Variants in C4orf33 observed in about 807,000 individuals in gnomAD.
C4orf33 encodes the protein UPF0462 protein C4orf33.
A neutral mutation model predicts 24.3 loss-of-function variants in C4orf33; 20 were observed. The observed-to-expected ratio is 0.82, with a 90% CI of 0.58 to 1.19. The LOEUF (loss-of-function observed/expected upper bound fraction) is 1.19. Among genes scored for constraint, C4orf33 ranks in the 50% most tolerant of loss-of-function variants. The pLI is 0.00. For missense variants in C4orf33, 207 were observed against 225.9 expected (o/e 0.92, Z 0.54); for synonymous variants, 67 against 76.4 (o/e 0.88, Z 0.64).
rs1206753605 is a variant in C4orf33 at position 129,113,736 on chromosome 4, A to AC, written c.*1946dup. 6.6e-6 allele frequency: 1 copy of AC among 151,024 alleles called. No homozygotes were observed. The highest frequency in any genetic ancestry group is 2.4e-5 in the African/African-American group (1 of 41,170). 9.4% of individuals were successfully genotyped at this position (151,024 alleles called of 1,614,324 possible). ...TGCTTTTTATTTTTGGCTCCAAACT[A>AC]CTTTTTTTAAACGTTAAAAAGGTTT... is the stretch of plus-strand genomic sequence containing the variant. On this transcript the variant is annotated 3_prime_UTR_variant, in exon 6 of 6. Coordinates refer to ENST00000425929, the MANE Select transcript of C4orf33 (RefSeq NM_001099783.2).
At chr4:129,102,916 G>A in intron 2 of C4orf33, 125 bp downstream of exon 2, 1 of 711,742 alleles carries the variant, frequency 1.4e-6, no homozygotes, top group Non-Finnish European at 2.2e-6. Context: ...TACAGTTTCT[G>A]ATATTTCCTA....
At chr4:129,096,644 GCAATCAGAA>G (rs985700433) in intron 1 of C4orf33, among the ~76,000 whole-genome samples, 2 of 152,112 alleles carry the variant, frequency 1.3e-5, no homozygotes, top group Non-Finnish European at 2.9e-5. Context: ...TAAAGATAAA[GCAATCAGAA>G]CAATTGAAAA....
intron 1 of C4orf33, among the ~76,000 whole-genome samples, chr4:129,101,201 G>A (rs1757930): frequency 0.73 from 109,952 of 151,554 alleles, 41,662 homozygotes; most frequent in South Asian, 0.89. Context: ...ACGTTTTAGA[G>A]AAAGGTTTTT....
At chr4:129,099,051 C>A (rs2125798794) in intron 1 of C4orf33, among the ~76,000 whole-genome samples, 1 of 152,300 alleles carries the variant, frequency 6.6e-6, no homozygotes, top group African/African-American at 2.4e-5. Flanking sequence ...CCTTGGTGCT[C>A]AGAAAACAAG....
At chr4:129,100,905 A>G (rs1006058220) in intron 1 of C4orf33, among the ~76,000 whole-genome samples, 2 of 152,224 alleles carry the variant, frequency 1.3e-5, no homozygotes, top group African/African-American at 4.8e-5. Context: ...AATTTAGGAT[A>G]GAGGATTACA....
chr4:129,107,303 G>A (rs1753547906), intron 3 of C4orf33, among the ~76,000 whole-genome samples: 2 of 151,760 alleles, frequency 1.3e-5, no homozygotes, highest in Non-Finnish European at 3.0e-5. Context: ...CTGTTTACCT[G>A]GTTGGCAAAC....
chr4:129,111,643 C>T (rs1025329651), intron 5 of C4orf33, 43 bp from the exon 6 acceptor site: 1 of 1,170,800 alleles, frequency 8.5e-7, no homozygotes, highest in Non-Finnish European at 1.3e-6. Context: ...TTCACAAATG[C>T]ATAATTCATT....
rs1185046426 is a variant in C4orf33 at position 129,115,035 on chromosome 4, G to A, written c.*3244G>A. 3.3e-5 allele frequency: 5 copies of A among 152,226 alleles called. No homozygotes were observed. The highest frequency in any genetic ancestry group is 4.8e-5 in the African/African-American group (2 of 41,454). 9.4% of individuals were successfully genotyped at this position (152,226 alleles called of 1,614,324 possible). A position where few individuals can be genotyped will look rare whatever the true frequency, so the allele number is the denominator to read the frequency against. On this transcript the variant is annotated 3_prime_UTR_variant, in exon 6 of 6. Coordinates refer to ENST00000425929, the MANE Select transcript of C4orf33 (RefSeq NM_001099783.2). The stretch of plus-strand genomic sequence containing the variant: ...TCAAACCACTTGAAACTACTGAAGA[G>A]TTTGGCCAAATGTGAGAGAAATACA...
At chr4:129,099,571 G>A (rs1005975700) in intron 1 of C4orf33, among the ~76,000 whole-genome samples, 1 of 152,134 alleles carries the variant, frequency 6.6e-6, no homozygotes, top group African/African-American at 2.4e-5. Flanking sequence ...CTGGGTTCAG[G>A]GAGTCAATAA....
intron 1 of C4orf33, among the ~76,000 whole-genome samples, chr4:129,098,614 G>C (rs1753267976): frequency 6.6e-6 from 1 of 152,208 alleles, no homozygotes; most frequent in South Asian, 2.1e-4. Context: ...TGCAGGAAAG[G>C]ATTCACAAGC....
intron 1 of C4orf33, among the ~76,000 whole-genome samples, chr4:129,097,633 C>T (rs530152289): frequency 2.6e-5 from 4 of 152,206 alleles, no homozygotes; most frequent in Non-Finnish European, 5.9e-5. Flanking sequence ...AACAATGCTA[C>T]CACAAATATC....
At chr4:129,095,378 A>G (rs1753171067), upstream of C4orf33, among the ~76,000 whole-genome samples, 2 of 152,180 alleles carry the variant, frequency 1.3e-5, no homozygotes, top group South Asian at 4.1e-4. Flanking sequence ...CTCCATCATA[A>G]TACCTGGAAC....
chr4:129,102,547 T>C, intron 1 of C4orf33, 55 bp from the exon 2 acceptor site: 6 of 1,346,732 alleles, frequency 4.5e-6, no homozygotes, highest in Non-Finnish European at 5.1e-6. Context: ...CATTTCCAAC[T>C]AAAGAAAACA....
chr4:129,109,749 A>C, intron 5 of C4orf33, 77 bp downstream of exon 5: 1 of 1,223,156 alleles, frequency 8.2e-7, no homozygotes, highest in Non-Finnish European at 1.2e-6. Flanking sequence ...AGCAGAAGTA[A>C]CACTTTTGAT....
chr4:129,111,646 A>G (rs201185535), intron 5 of C4orf33, 40 bp from the exon 6 acceptor site: 145 of 1,212,452 alleles, frequency 1.2e-4, no homozygotes, highest in East Asian at 1.1e-3. Context: ...ACAAATGCAT[A>G]ATTCATTTCA....
intron 1 of C4orf33, 126 bp from the exon 2 acceptor site, chr4:129,102,476 A>T (rs569205130): frequency 1.6e-6 from 1 of 644,078 alleles, no homozygotes; most frequent in South Asian, 2.1e-5. Context: ...GACTCCCAGG[A>T]CTGTGCTCTT....
At position 129,115,754 on chromosome 4, in the gene C4orf33, G is replaced by A. The variant is rs1753762134; in HGVS notation, c.*3963G>A. ...GGGGTAGAAGGGGTATCCAGCCTAAGGCACCTAAGTCCAAGAGGAATATGT... is the reference window on the plus strand; with the variant it reads ...GGGGTAGAAGGGGTATCCAGCCTAAAGCACCTAAGTCCAAGAGGAATATGT... On this transcript the variant is annotated 3_prime_UTR_variant, in exon 6 of 6. Transcript: ENST00000425929. The A allele has an allele frequency of 6.8e-6, 1 of 147,676 alleles. No homozygotes were observed. Among genetic ancestry groups the A allele is most frequent in the Non-Finnish European group, 1.5e-5 (1 of 67,286 alleles). The allele number at this position is 147,676 out of a possible 1,614,324, so 9.1% of individuals were successfully genotyped here. A position where few individuals can be genotyped will look rare whatever the true frequency, so the allele number is the denominator to read the frequency against.
chr4:129,094,957 TAACTC>T (rs1355424803), upstream of C4orf33, among the ~76,000 whole-genome samples: 2 of 152,190 alleles, frequency 1.3e-5, no homozygotes, highest in African/African-American at 4.8e-5. Flanking sequence ...ATTATAGACT[TAACTC>T]TACGCTTACA....
In C4orf33 at chr4:129,112,941, G is replaced by C. The variant is rs1344215419; in HGVS notation, c.*1150G>C. The C allele has an allele frequency of 2.0e-5, 3 of 152,154 alleles. No homozygotes were observed. The East Asian group carries it at 5.8e-4, about 29-fold the overall frequency. The allele number at this position is 152,154 out of a possible 1,614,324, so 9.4% of individuals were successfully genotyped here. A position where few individuals can be genotyped will look rare whatever the true frequency, so the allele number is the denominator to read the frequency against. On this transcript the variant is annotated 3_prime_UTR_variant, in exon 6 of 6. Coordinates refer to ENST00000425929, the MANE Select transcript of C4orf33 (RefSeq NM_001099783.2). Reference sequence around the variant, plus strand: ...AATTAATTTGATATAGAAACGATCTGCCTGTTTTAGATACGAATGGCATAT... The same window carrying C: ...AATTAATTTGATATAGAAACGATCTCCCTGTTTTAGATACGAATGGCATAT...
Sources: allele counts gnomAD v4.1 joint callset (sites outside exome capture counted in the v4.1 genomes callset), GRCh38; gene constraint gnomAD v4.1.1; transcripts MANE v1.5; gene names NCBI Gene and HGNC (gene_info 2026-07-23, HGNC 2026-07-21).